The following TAC1 variants were observed in gnomAD, a reference collection of about 807,000 sequenced individuals.
TAC1 encodes the protein protachykinin-1.
A neutral mutation model predicts 21.7 loss-of-function variants in TAC1; 12 were observed. That is an observed-to-expected ratio of 0.55 (90% CI 0.35 to 0.89). The LOEUF is 0.89. Ranked by LOEUF, TAC1 falls within the 40% of genes least tolerant of loss-of-function variation. The pLI is 0.01. For synonymous variants in TAC1, 52 were observed against 52.0 expected (o/e 1.00, Z 0.00); for missense variants, 128 against 151.4 (o/e 0.85, Z 0.81).
At position 97,733,474 on chromosome 7, in the gene TAC1, G is replaced by T. The variant is rs1300167163; in HGVS notation, c.124-249G>T. Among the ~76,000 whole-genome samples the T allele has an allele frequency of 1.1e-4, 16 of 152,200 alleles. No homozygotes were observed. In the South Asian group the frequency reaches 1.9e-3, roughly 18 times the overall value. The stretch of plus-strand genomic sequence containing the variant: ...GGGCTGGGAGGAAAGAGCGGAAAGC[G>T]CTCGAAGCTTGAAGACGCCGAGCCA... On this transcript the variant is annotated intron_variant, in intron 2 of 6. Transcript: ENST00000319273.
At chr7:97,733,645 C>CG (rs1455967871) in intron 2 of TAC1, 78 bp from the exon 3 acceptor site, 12 of 1,434,958 alleles carry the variant, frequency 8.4e-6, no homozygotes, top group Admixed American at 5.1e-5. Context: ...CGGAGTACAG[C>CG]GGGGGGAAGG....
chr7:97,739,833 G>T, intron 6 of TAC1, 41 bp from the exon 7 acceptor site: 2 of 1,519,212 alleles, frequency 1.3e-6, no homozygotes, highest in East Asian at 2.3e-5. Context: ...CTCCCTCAGT[G>T]AATTCACTTA....
Position 97,736,320 on chromosome 7 carries a change from T to C in TAC1, c.311T>C (p.Val104Ala). 6.2e-7 allele frequency: 1 copy of C among 1,611,864 alleles called. No individual in the cohort carries two copies. The highest frequency in any genetic ancestry group is 2.2e-5 in the East Asian group (1 of 44,658). ...CCAGGACATAAAACAGATTCCTTTG[T>C]TGGACTAATGGGCAAAAGAGCTTTA... ...SHKRHKTDSF[V>A]GLMGKRALNS... is the part of the protein sequence containing the mutation. Residue 104 changes from valine (V) to alanine (A), a missense_variant, in exon 6 of 7, where the codon GTT (valine) becomes GCT (alanine). Val to Ala is a moderately conservative substitution (Grantham distance 64). Transcript: ENST00000319273.
In TAC1 at chr7:97,732,714, G is replaced by C; in HGVS notation, c.102G>C (p.Trp34Cys). The C allele has an allele frequency of 6.2e-7, 1 of 1,613,942 alleles. No individual in the cohort carries two copies. Among genetic ancestry groups the C allele is most frequent in the Non-Finnish European group, 8.5e-7 (1 of 1,180,016 alleles). Residue 34 changes from tryptophan to cysteine, a missense_variant, in exon 2 of 7, where the codon TGG becomes TGC. Physicochemically the swap from Trp to Cys is radical, Grantham distance 215 (BLOSUM62 -2). Coordinates refer to ENST00000319273, the MANE Select transcript of TAC1 (RefSeq NM_003182.3). This position sits in a 1 kb window ranked among gnomAD's most constrained non-coding sequence, Gnocchi z 6.2. Reference sequence around the variant, plus strand: ...ATGATCTGAATTACTGGTCCGACTGGTACGACAGCGACCAGATCAAGGTGA... The same window carrying C: ...ATGATCTGAATTACTGGTCCGACTGCTACGACAGCGACCAGATCAAGGTGA... ...ANDDLNYWSD[W>C]YDSDQIKEEL...
Position 97,739,976 on chromosome 7 carries a change from T to C in TAC1, c.*56T>C, listed in dbSNP as rs372850186. The C allele has an allele frequency of 1.0e-5, 13 of 1,268,968 alleles. No individual in the cohort carries two copies. Among genetic ancestry groups the C allele is most frequent in the African/African-American group, 7.5e-5 (5 of 66,868 alleles). The allele number at this position is 1,268,968 out of a possible 1,614,324, so 78.6% of individuals were successfully genotyped here. On this transcript the variant is annotated 3_prime_UTR_variant, in exon 7 of 7. Transcript: ENST00000319273. ...ATTTGTGTCAATGGGCAATGACAGG[T>C]AAATTAAGACATGCACTATGAGGAA...
chr7:97,739,862 CTTT>C lies in TAC1; in HGVS notation c.344-11_344-9del, dbSNP rs758233795. The C allele has an allele frequency of 6.3e-5, 101 of 1,602,450 alleles. No individual in the cohort carries two copies. The South Asian group carries it at 1.1e-3, about 17-fold the overall frequency. ...TCACTTAAAAAACACTTTATCTCTT[CTTT>C]GTTTTCAGTGGCTTATGAAAGGAGT... On this transcript the variant is annotated splice_polypyrimidine_tract_variant and intron_variant, in intron 6 of 6. Coordinates refer to ENST00000319273, the MANE Select transcript of TAC1 (RefSeq NM_003182.3).
chr7:97,732,810 C>T lies in TAC1; in HGVS notation c.123+75C>T. ...GCTGTCACCTTCCCACGCAACAGCACCCTAGTTAACGTGGCACGCACCGCC... is the reference window on the plus strand; with the variant it reads ...GCTGTCACCTTCCCACGCAACAGCATCCTAGTTAACGTGGCACGCACCGCC... On this transcript the variant is annotated intron_variant, in intron 2 of 6. Coordinates refer to ENST00000319273, the MANE Select transcript of TAC1 (RefSeq NM_003182.3). The surrounding 1 kb of genome is among the most constrained non-coding windows in gnomAD (Gnocchi z 6.2). The T allele has an allele frequency of 6.5e-7, 1 of 1,537,522 alleles. No homozygotes were observed. The highest frequency in any genetic ancestry group is 8.8e-7 in the Non-Finnish European group (1 of 1,139,598).
In TAC1 at chr7:97,737,926, C is replaced by G. The variant is rs1789613333; in HGVS notation, c.343+1574C>G. Reference sequence around the variant, plus strand: ...CATATTAGTCATCAACTTTCCATTTCCAGAATTGATATAGGTTTCAGAACA... The same window carrying G: ...CATATTAGTCATCAACTTTCCATTTGCAGAATTGATATAGGTTTCAGAACA... On this transcript the variant is annotated intron_variant, in intron 6 of 6. Transcript: ENST00000319273. 4.6e-5 allele frequency among the ~76,000 whole-genome samples: 7 copies of G among 151,964 alleles called. No homozygotes were observed. The South Asian group carries it at 1.5e-3, about 32-fold the overall frequency.
intron 4 of TAC1, among the ~76,000 whole-genome samples, 184 bp downstream of exon 4, chr7:97,734,476 ACTCTCTCTCAGTCTCT>A (rs1007429013): frequency 8.0e-5 from 11 of 137,574 alleles, no homozygotes; most frequent in South Asian, 2.4e-4. Context: ...TCTCTCTGTC[ACTCTCTCTCAGTCTCT>A]CTCTCTCTCT....
intron 5 of TAC1, 126 bp from the exon 6 acceptor site, chr7:97,736,173 C>T: frequency 5.8e-6 from 4 of 685,964 alleles, no homozygotes; most frequent in South Asian, 3.0e-5. Flanking sequence ...TCAGTCTCAC[C>T]AAAACTTGAA....
In TAC1 at chr7:97,732,825, C is replaced by T. The variant is rs996085932; in HGVS notation, c.123+90C>T. On this transcript the variant is annotated intron_variant, in intron 2 of 6. Coordinates refer to ENST00000319273, the MANE Select transcript of TAC1 (RefSeq NM_003182.3). This position sits in a 1 kb window ranked among gnomAD's most constrained non-coding sequence, Gnocchi z 6.2. ...CGCAACAGCACCCTAGTTAACGTGG[C>T]ACGCACCGCCACCACGGAAAGAGGC... is the stretch of plus-strand genomic sequence containing the variant. The T allele has an allele frequency of 2.1e-6, 3 of 1,463,094 alleles. No homozygotes were observed. Among genetic ancestry groups the T allele is most frequent in the Non-Finnish European group, 2.8e-6 (3 of 1,088,488 alleles). The allele number at this position is 1,463,094 out of a possible 1,614,324, so 90.6% of individuals were successfully genotyped here.
rs1789509132 is a variant in TAC1, at chr7:97,734,256, A to G, written c.229A>G (p.Ile77Val). 5.0e-6 allele frequency: 8 copies of G among 1,613,902 alleles called. No individual in the cohort carries two copies. The highest frequency in any genetic ancestry group is 2.7e-5 in the African/African-American group (2 of 74,944). The change falls in exon 4 of 7, where the codon ATT becomes GTT. Residue 77 changes from isoleucine (I) to valine (V), a missense_variant. Physicochemically the swap from Ile to Val is conservative, Grantham distance 29. Coordinates refer to ENST00000319273, the MANE Select transcript of TAC1 (RefSeq NM_003182.3). ...LMGKRDADSSIEKQVALLKAL... is the reference protein window; with the variant it reads ...LMGKRDADSSVEKQVALLKAL... ...AATTCGTCTCTTGTCAGATTCCTCA[A>G]TTGAAAAACAAGTGGCCCTGTTAAA...
Position 97,732,741 on chromosome 7 carries a change from G to A in TAC1, c.123+6G>A. ...ACGACAGCGACCAGATCAAGGTGAGGCCCCTTCCCAGGACGGCCCGCACCC... is the reference window on the plus strand; with the variant it reads ...ACGACAGCGACCAGATCAAGGTGAGACCCCTTCCCAGGACGGCCCGCACCC... On this transcript the variant is annotated splice_donor_region_variant and intron_variant, in intron 2 of 6. Coordinates refer to ENST00000319273, the MANE Select transcript of TAC1 (RefSeq NM_003182.3). This position sits in a 1 kb window ranked among gnomAD's most constrained non-coding sequence, Gnocchi z 6.2. 2.5e-6 allele frequency: 4 copies of A among 1,612,838 alleles called. No individual in the cohort carries two copies. Among genetic ancestry groups the A allele is most frequent in the Non-Finnish European group, 3.4e-6 (4 of 1,179,632 alleles).
At chr7:97,733,527 G>C (rs1266827749) in intron 2 of TAC1, among the ~76,000 whole-genome samples, 196 bp from the exon 3 acceptor site, 1 of 152,148 alleles carries the variant, frequency 6.6e-6, no homozygotes, top group Non-Finnish European at 1.5e-5. Flanking sequence ...GCAGGCTTGC[G>C]GGGGGCGGGA....
intron 6 of TAC1, among the ~76,000 whole-genome samples, chr7:97,739,377 G>A (rs1461410074): frequency 1.3e-5 from 2 of 151,988 alleles, no homozygotes; most frequent in Non-Finnish European, 2.9e-5. Flanking sequence ...TGTTATTTTA[G>A]GCCAAAGCAG....
intron 6 of TAC1, 140 bp from the exon 7 acceptor site, chr7:97,739,734 A>T (rs890447426): frequency 3.4e-5 from 19 of 554,364 alleles, no homozygotes; most frequent in Non-Finnish European, 5.1e-5. Flanking sequence ...AGATGTGCAG[A>T]TAACATTCTT....
At chr7:97,736,412 A>G (rs1177246792) in intron 6 of TAC1, 60 bp downstream of exon 6, 1 of 1,460,658 alleles carries the variant, frequency 6.8e-7, no homozygotes, top group African/African-American at 1.4e-5. Flanking sequence ...TATTTTTTCT[A>G]AGACATAGTT....
chr7:97,736,240 T>C (rs1789571629), intron 5 of TAC1, 59 bp from the exon 6 acceptor site: 10 of 1,418,254 alleles, frequency 7.1e-6, no homozygotes, highest in East Asian at 2.3e-5. Context: ...GTTCTGGTTA[T>C]AATAGTTTGT....
At chr7:97,735,486 C>T (rs1308997259) in intron 5 of TAC1, among the ~76,000 whole-genome samples, 2 of 152,034 alleles carry the variant, frequency 1.3e-5, no homozygotes, top group African/African-American at 4.8e-5. Context: ...TTAATGGAAC[C>T]GGAGTTGACA....
Sources: allele counts gnomAD v4.1 joint callset (sites outside exome capture counted in the v4.1 genomes callset), GRCh38; gene constraint gnomAD v4.1.1; non-coding constraint Gnocchi (gnomAD v3.1); transcripts MANE v1.5; gene names NCBI Gene and HGNC (gene_info 2026-07-23, HGNC 2026-07-21).